The following NTM variants were observed in gnomAD, a reference collection of about 807,000 sequenced individuals.
NTM encodes the protein IgLON family member 2.
A neutral mutation model predicts 42.1 loss-of-function variants in NTM; 13 were observed. That is an observed-to-expected ratio of 0.31 (90% confidence interval 0.20 to 0.49). The LOEUF (loss-of-function observed/expected upper bound fraction) is 0.49. Among genes scored for constraint, NTM ranks in the 20% least tolerant of loss-of-function variants. The pLI, the probability that NTM is intolerant of heterozygous loss-of-function variation, is 0.99. For missense variants in NTM, 373 were observed against 452.8 expected (o/e 0.82, Z 1.60); for synonymous variants, 187 against 179.2 (o/e 1.04, Z -0.35).
At chr11:132,070,474 G>A (rs1160255204) in intron 2 of NTM, among the ~76,000 whole-genome samples, 3 of 113,090 alleles carry the variant, frequency 2.7e-5, no homozygotes, top group East Asian at 2.6e-4. Flanking sequence ...ACACAGCCAA[G>A]TTAACACGTC....
chr11:132,024,593 A>G (rs2074902998), intron 2 of NTM, among the ~76,000 whole-genome samples: 2 of 152,096 alleles, frequency 1.3e-5, no homozygotes, highest in African/African-American at 4.8e-5. Flanking sequence ...GAACCCGTGG[A>G]TAAGGAGGGC....
chr11:131,584,110 A>G (rs2137212094), intron 1 of NTM, among the ~76,000 whole-genome samples: 1 of 152,336 alleles, frequency 6.6e-6, no homozygotes, highest in Non-Finnish European at 1.5e-5. Flanking sequence ...ACTACAGGCA[A>G]AAAGCTCAGA....
intron 1 of NTM, among the ~76,000 whole-genome samples, chr11:131,643,074 G>C (rs868009313): frequency 6.6e-6 from 1 of 151,730 alleles, no homozygotes; most frequent in Non-Finnish European, 1.5e-5. Context: ...AACTCAGAAG[G>C]GGGGAATGAG....
intron 1 of NTM, among the ~76,000 whole-genome samples, chr11:131,825,680 G>A (rs2042043869): frequency 6.6e-6 from 1 of 152,174 alleles, no homozygotes; most frequent in African/African-American, 2.4e-5. Flanking sequence ...AAGATGGACT[G>A]GAGAAAAATT....
At chr11:131,717,970 T>G (rs781269523) in intron 1 of NTM, among the ~76,000 whole-genome samples, 3 of 152,238 alleles carry the variant, frequency 2.0e-5, no homozygotes, top group Non-Finnish European at 4.4e-5. Flanking sequence ...GATAATCATA[T>G]GTTTTTCTTA....
At chr11:132,260,819 C>T (rs1164542960) in intron 4 of NTM, among the ~76,000 whole-genome samples, 1 of 152,220 alleles carries the variant, frequency 6.6e-6, no homozygotes, top group Non-Finnish European at 1.5e-5. Flanking sequence ...ACGGAACCTT[C>T]TGTTCAAATG....
At chr11:131,428,402 G>C (rs939851080) in intron 1 of NTM, among the ~76,000 whole-genome samples, 6 of 152,140 alleles carry the variant, frequency 3.9e-5, no homozygotes, top group Non-Finnish European at 8.8e-5. Context: ...CCTACTTCTT[G>C]ATTTATCTAC....
chr11:132,049,703 G>A (rs147452038), intron 2 of NTM, among the ~76,000 whole-genome samples: 1 of 152,294 alleles, frequency 6.6e-6, no homozygotes, highest in African/African-American at 2.4e-5. Context: ...CTCTGGGGAA[G>A]AGGACCAATG....
intron 2 of NTM, among the ~76,000 whole-genome samples, chr11:132,014,448 A>T (rs1006059076): frequency 5.3e-5 from 8 of 151,724 alleles, no homozygotes; most frequent in Non-Finnish European, 1.0e-4. Context: ...TTCTATTTTT[A>T]TTTTTCTGAT....
intron 2 of NTM, among the ~76,000 whole-genome samples, chr11:131,977,080 A>G (rs551432201): frequency 2.6e-5 from 4 of 152,338 alleles, no homozygotes; most frequent in East Asian, 1.9e-4. Flanking sequence ...CTATGCATAC[A>G]TGCATATTGG....
intron 1 of NTM, among the ~76,000 whole-genome samples, chr11:131,691,185 AC>A (rs1182343089): frequency 5.9e-5 from 9 of 152,214 alleles, no homozygotes; most frequent in Admixed American, 5.2e-4. Context: ...CCGGCCCTGC[AC>A]CCACAGCCTA....
intron 1 of NTM, among the ~76,000 whole-genome samples, chr11:131,825,022 C>G (rs2041964878): frequency 6.6e-6 from 1 of 152,146 alleles, no homozygotes; most frequent in African/African-American, 2.4e-5. Flanking sequence ...GTTTCACAAT[C>G]CTGGAAACTA....
intron 2 of NTM, among the ~76,000 whole-genome samples, chr11:131,989,255 T>C (rs2066595954): frequency 6.6e-6 from 1 of 152,224 alleles, no homozygotes; most frequent in African/African-American, 2.4e-5. Flanking sequence ...AACAAATTAG[T>C]ATCAACTGAT....
rs1271873846 is a variant in NTM, at chr11:132,300,963, TG to T, written c.527-6724del. 8.5e-5 allele frequency among the ~76,000 whole-genome samples: 13 copies of T among 152,278 alleles called. No individual in the cohort carries two copies. The East Asian group carries it at 2.3e-3, about 27-fold the overall frequency. ...CTGCACTGATTCCTCAAGGGGGACC[TG>T]GTGTGAAGAAGGCCTTCCCCAGTTC... On this transcript the variant is annotated intron_variant, in intron 4 of 8. Coordinates refer to ENST00000683400, the MANE Select transcript of NTM (RefSeq NM_001352005.2).
At chr11:131,737,913 TG>T (rs1293310475) in intron 1 of NTM, among the ~76,000 whole-genome samples, 1 of 152,178 alleles carries the variant, frequency 6.6e-6, no homozygotes, top group Non-Finnish European at 1.5e-5. Flanking sequence ...TGAAGTTAAA[TG>T]GTCTCTTTTT....
chr11:132,094,029 C>G (rs143968335), intron 2 of NTM, among the ~76,000 whole-genome samples: 2,840 of 152,240 alleles, frequency 0.019, 41 homozygotes, highest in African/African-American at 0.022. Context: ...AAGTGAGATA[C>G]AGAAACCGCC....
intron 1 of NTM, among the ~76,000 whole-genome samples, chr11:131,390,990 G>A (rs549035589): frequency 2.0e-5 from 3 of 152,280 alleles, no homozygotes; most frequent in South Asian, 2.1e-4. Context: ...TCCCAGGTGA[G>A]GTCCTGGAGC....
At chr11:131,876,760 G>A (rs993327978) in intron 1 of NTM, among the ~76,000 whole-genome samples, 11 of 152,080 alleles carry the variant, frequency 7.2e-5, no homozygotes, top group Admixed American at 6.6e-5. Flanking sequence ...AATAACAATG[G>A]CTATGCTAGA....
intron 2 of NTM, among the ~76,000 whole-genome samples, chr11:131,972,713 C>T (rs982957555): frequency 6.6e-6 from 1 of 152,130 alleles, no homozygotes; most frequent in Non-Finnish European, 1.5e-5. Context: ...TCTTGGTTTC[C>T]ATAAGGCTCT....
Sources: gnomAD v4.1 joint callset for allele counts (sites outside exome capture counted in the v4.1 genomes callset) on GRCh38, gnomAD v4.1.1 for gene constraint, MANE v1.5 for transcripts, NCBI Gene and HGNC (gene_info 2026-07-23, HGNC 2026-07-21) for gene names.